DLGAP2: variants seen among roughly 807,000 people sequenced by gnomAD.
DLGAP2 encodes the protein disks large-associated protein 2.
Under a neutral mutation model 100.3 loss-of-function variants are expected in DLGAP2, and 26 were observed. The observed-to-expected ratio is 0.26, with a 90% CI of 0.19 to 0.36. The LOEUF (loss-of-function observed/expected upper bound fraction) is 0.36. Among genes scored for constraint, DLGAP2 ranks in the 10% least tolerant of loss-of-function variants. DLGAP2 has a pLI of 1.00. For synonymous variants in DLGAP2, 886 were observed against 630.1 expected (o/e 1.41, Z -6.08); for missense variants, 1,858 against 1,453.2 (o/e 1.28, Z -4.53).
chr8:1,380,521 C>A (rs1796067478), intron 3 of DLGAP2, among the ~76,000 whole-genome samples: 1 of 150,274 alleles, frequency 6.7e-6, no homozygotes, highest in African/African-American at 2.4e-5. Context: ...ATAAGCGAGG[C>A]TTTTTTCTGA....
At chr8:1,698,518 G>A (rs886401040) in intron 14 of DLGAP2, among the ~76,000 whole-genome samples, 5 of 148,120 alleles carry the variant, frequency 3.4e-5, no homozygotes, top group Non-Finnish European at 5.9e-5. Context: ...CCACACATGG[G>A]ACAGGTCCAT....
chr8:1,343,366 G>A (rs998175599), intron 3 of DLGAP2, among the ~76,000 whole-genome samples: 4 of 152,084 alleles, frequency 2.6e-5, no homozygotes, highest in African/African-American at 7.2e-5. Context: ...TCACAGACAC[G>A]GCCAACCGGA....
At chr8:998,706 A>G (rs1800857158) in intron 2 of DLGAP2, among the ~76,000 whole-genome samples, 1 of 152,126 alleles carries the variant, frequency 6.6e-6, no homozygotes, top group African/African-American at 2.4e-5. Flanking sequence ...CCTAGGTGAG[A>G]ATGCCTGCCC....
chr8:967,765 G>A (rs1799907086), intron 2 of DLGAP2, among the ~76,000 whole-genome samples: 1 of 52,638 alleles, frequency 1.9e-5, no homozygotes, highest in Non-Finnish European at 3.7e-5. Flanking sequence ...ACAAAGAGGT[G>A]TATATATATA....
At chr8:1,491,321 AGGCCGCTGCTCCTGACCCCGGAGGCTTCG>A in intron 3 of DLGAP2, among the ~76,000 whole-genome samples, 1 of 66,378 alleles carries the variant, frequency 1.5e-5, no homozygotes, top group African/African-American at 4.1e-5. Flanking sequence ...GGCTGCTTTC[AGGCCGCTGCTCCTGACCCCGGAGGCTTCG>A]GGCCGCTCCC....
chr8:1,456,069 C>T (rs1266633988), intron 3 of DLGAP2, among the ~76,000 whole-genome samples: 1 of 152,192 alleles, frequency 6.6e-6, no homozygotes, highest in Non-Finnish European at 1.5e-5. Flanking sequence ...TTGGCCAACT[C>T]CTGGGTCCCT....
intron 10 of DLGAP2, among the ~76,000 whole-genome samples, chr8:1,672,013 T>C (rs1359185233): frequency 6.6e-6 from 1 of 152,180 alleles, no homozygotes; most frequent in African/African-American, 2.4e-5. Flanking sequence ...TTCGTTTTTA[T>C]CCTTTGCGGT....
At position 1,537,784 on chromosome 8, in the gene DLGAP2, A is replaced by AGGAC. The variant is rs1554493151; in HGVS notation, c.173-10841_173-10838dup. On this transcript the variant is annotated intron_variant, in intron 4 of 14. Transcript: ENST00000637795. Reference sequence around the variant, plus strand: ...AAGGAAGGAAGGAAGGAAGGAAGGAAGGACAAATGGATAAATGGATGGATG... The same window carrying AGGAC: ...AAGGAAGGAAGGAAGGAAGGAAGGAAGGACGGACAAATGGATAAATGGATGGATG... Among the ~76,000 whole-genome samples, 187 of 141,084 alleles carry AGGAC rather than the reference A, an allele frequency of 1.3e-3. 1 individual carries two copies. Among genetic ancestry groups the AGGAC allele is most frequent in the African/African-American group, 4.6e-3 (176 of 38,232 alleles). The allele number at this position is 141,084 out of a possible 152,430, so 92.6% of individuals were successfully genotyped here.
intron 1 of DLGAP2, among the ~76,000 whole-genome samples, chr8:896,225 G>C (rs1009440072): frequency 6.8e-6 from 1 of 147,092 alleles, no homozygotes; most frequent in Admixed American, 6.8e-5. Flanking sequence ...GATGATAGTG[G>C]CTAGGTAGGT....
intron 2 of DLGAP2, among the ~76,000 whole-genome samples, chr8:978,685 C>T (rs991941938): frequency 5.3e-5 from 8 of 151,744 alleles, no homozygotes; most frequent in African/African-American, 1.2e-4. Context: ...GGGAGGGCGT[C>T]GGGGATTCAC....
At position 1,676,542 on chromosome 8, in the gene DLGAP2, G is replaced by T; in HGVS notation, c.2212G>T (p.Ala738Ser). 3.1e-6 allele frequency: 5 copies of T among 1,613,156 alleles called. 1 individual carries two copies. The East Asian group carries it at 6.7e-5, about 22-fold the overall frequency. Residue 738 changes from alanine (A) to serine (S), a missense_variant, in exon 11 of 15, where the codon GCC (alanine) becomes TCC (serine). Physicochemically the swap from Ala to Ser is moderately conservative, Grantham distance 99. Transcript: ENST00000637795. ...QPYPRSDVET[A>S]TDSDTESRGL... ...TTCTCTGTTGAATTAGGTGGAAACG[G>T]CCACAGATTCTGACACGGAGAGCCG...
chr8:1,595,389 C>T (rs911167328), intron 6 of DLGAP2, among the ~76,000 whole-genome samples: 13 of 152,046 alleles, frequency 8.6e-5, no homozygotes, highest in South Asian at 2.1e-4. Flanking sequence ...GTCGGCCGGG[C>T]GCGGTGGCTC....
intron 2 of DLGAP2, among the ~76,000 whole-genome samples, chr8:1,163,816 G>C (rs1200771542): frequency 6.6e-6 from 1 of 152,180 alleles, no homozygotes; most frequent in Admixed American, 6.5e-5. Flanking sequence ...CTGCCCGCGG[G>C]GTGTGCTTGG....
chr8:1,442,699 C>G (rs1247205987), intron 3 of DLGAP2, among the ~76,000 whole-genome samples: 2 of 149,080 alleles, frequency 1.3e-5, no homozygotes, highest in African/African-American at 5.0e-5. Context: ...GGTTCATCCA[C>G]TGGAGGAGAC....
intron 14 of DLGAP2, among the ~76,000 whole-genome samples, chr8:1,700,941 C>A (rs1212402476): frequency 1.3e-5 from 2 of 152,220 alleles, no homozygotes; most frequent in Non-Finnish European, 2.9e-5. Flanking sequence ...GATTTGTCCA[C>A]GCTGCCCCTG....
chr8:1,232,228 G>A lies in DLGAP2; in HGVS notation c.74-26623G>A, dbSNP rs547895232. Among the ~76,000 whole-genome samples, 416 of 152,348 alleles carry A rather than the reference G, an allele frequency of 2.7e-3. 2 individuals carry two copies. Among genetic ancestry groups the A allele is most frequent in the Non-Finnish European group, 5.2e-3 (356 of 68,036 alleles). On this transcript the variant is annotated intron_variant, in intron 2 of 14. Coordinates refer to ENST00000637795, the MANE Select transcript of DLGAP2 (RefSeq NM_001346810.2). ...GCACACTTGCCGGGGTCATCAGCCA[G>A]CAGAAGCTGGCCCACAACGCAAAAG... is the stretch of plus-strand genomic sequence containing the variant.
intron 2 of DLGAP2, among the ~76,000 whole-genome samples, chr8:1,096,938 G>A (rs1256953023): frequency 5.7e-5 from 7 of 123,290 alleles, no homozygotes; most frequent in South Asian, 2.8e-4. Flanking sequence ...CTGGGAGCCC[G>A]GGGCAGGCCT....
intron 5 of DLGAP2, among the ~76,000 whole-genome samples, chr8:1,555,519 C>T (rs73671204): frequency 6.6e-6 from 1 of 152,206 alleles, no homozygotes; most frequent in East Asian, 1.9e-4. Flanking sequence ...ACCTTGAGTA[C>T]CGTCACACAG....
At chr8:796,837 C>T (rs1398652400) in intron 1 of DLGAP2, among the ~76,000 whole-genome samples, 1 of 152,160 alleles carries the variant, frequency 6.6e-6, no homozygotes, top group Non-Finnish European at 1.5e-5. Context: ...TGTGTTCCAG[C>T]CTCCTGGGGC....
Sources: gnomAD v4.1 joint callset for allele counts (sites outside exome capture counted in the v4.1 genomes callset) on GRCh38, gnomAD v4.1.1 for gene constraint, MANE v1.5 for transcripts, NCBI Gene and HGNC (gene_info 2026-07-23, HGNC 2026-07-21) for gene names.